Variants in SKAP1 observed in about 807,000 individuals in gnomAD.
SKAP1 encodes src kinase-associated phosphoprotein 1.
Under a neutral mutation model 58.5 loss-of-function variants are expected in SKAP1, and 44 were observed. That is an observed-to-expected ratio of 0.75 (90% confidence interval 0.59 to 0.97). The LOEUF is 0.97. Among genes scored for constraint, SKAP1 ranks in the 50% least tolerant of loss-of-function variants. The pLI, the probability that SKAP1 is intolerant of heterozygous loss-of-function variation, is 0.00. For missense variants in SKAP1, 390 were observed against 435.2 expected, an observed-to-expected ratio of 0.90 and a Z score of 0.92; for synonymous variants, 127 against 149.7, an observed-to-expected ratio of 0.85 and a Z score of 1.11.
At position 48,430,105 on chromosome 17, in the gene SKAP1, G is replaced by T; in HGVS notation, c.16C>A (p.Leu6Ile). ...AGGAGCCAACGGATCTCCTCAGGGA[G>T]GGCGGCGGCCTGCATTTGGCTGGGC... MQAAA[L>I]PEEIRWLLED... The change falls in exon 1 of 13, where the codon CTC becomes ATC. Residue 6 changes from leucine to isoleucine, a missense_variant. Coordinates refer to ENST00000336915, the MANE Select transcript of SKAP1 (RefSeq NM_003726.4). 7.9e-7 allele frequency: 1 copy of T among 1,263,494 alleles called. No individual in the cohort carries two copies. Among genetic ancestry groups the T allele is most frequent in the Middle Eastern group, 2.1e-4 (1 of 4,864 alleles). The allele number at this position is 1,263,494 out of a possible 1,614,324, so 78.3% of individuals were successfully genotyped here. A position where few individuals can be genotyped will look rare whatever the true frequency, so the allele number is the denominator to read the frequency against.
chr17:48,402,820 G>T (rs2067516898), intron 1 of SKAP1, among the ~76,000 whole-genome samples: 1 of 152,100 alleles, frequency 6.6e-6, no homozygotes. Context: ...CAGTCACAAA[G>T]GACCACATAT....
chr17:48,407,630 A>C (rs1380018358), intron 1 of SKAP1, among the ~76,000 whole-genome samples: 1 of 152,210 alleles, frequency 6.6e-6, no homozygotes, highest in Non-Finnish European at 1.5e-5. Context: ...AGGCCCAGGC[A>C]GGCAAACTGC....
intron 4 of SKAP1, among the ~76,000 whole-genome samples, chr17:48,322,268 C>T (rs1385047409): frequency 6.6e-6 from 1 of 152,208 alleles, no homozygotes; most frequent in African/African-American, 2.4e-5. Flanking sequence ...GATAGTCTTG[C>T]TCTCCTCTTT....
At chr17:48,179,180 G>A (rs2064334872) in intron 9 of SKAP1, among the ~76,000 whole-genome samples, 2 of 152,228 alleles carry the variant, frequency 1.3e-5, no homozygotes, top group African/African-American at 4.8e-5. Flanking sequence ...GATCTAAATT[G>A]TTATAAATTT....
intron 11 of SKAP1, among the ~76,000 whole-genome samples, chr17:48,161,784 T>C (rs886243401): frequency 2.6e-5 from 4 of 152,158 alleles, no homozygotes; most frequent in African/African-American, 9.7e-5. Flanking sequence ...TGTTTATCTA[T>C]AAATGAAATA....
At chr17:48,384,805 G>A (rs1026662545) in intron 2 of SKAP1, among the ~76,000 whole-genome samples, 13 of 152,182 alleles carry the variant, frequency 8.5e-5, no homozygotes, top group African/African-American at 3.1e-4. Context: ...GGAACACCCA[G>A]AAGGAGGTAT....
chr17:48,395,001 T>A (rs1598651326), intron 2 of SKAP1, among the ~76,000 whole-genome samples: 1 of 152,176 alleles, frequency 6.6e-6, no homozygotes, highest in South Asian at 2.1e-4. Context: ...AAAGCTCCCA[T>A]CAACAATGCA....
At chr17:48,198,529 C>T (rs1405602998) in intron 4 of SKAP1, among the ~76,000 whole-genome samples, 3 of 147,592 alleles carry the variant, frequency 2.0e-5, no homozygotes, top group Admixed American at 6.8e-5. Context: ...CATTCTGATA[C>T]GCTTTCTTAC....
At chr17:48,196,358 TTTAC>T (rs2064629468) in intron 4 of SKAP1, among the ~76,000 whole-genome samples, 1 of 152,242 alleles carries the variant, frequency 6.6e-6, no homozygotes, top group African/African-American at 2.4e-5. Context: ...ATATTTCTTA[TTTAC>T]TTTTTTATGA....
In SKAP1 at chr17:48,253,869, G is replaced by T. The variant is rs147334862; in HGVS notation, c.281-64369C>A. 8.0e-4 allele frequency among the ~76,000 whole-genome samples: 121 copies of T among 152,172 alleles called. No individual in the cohort carries two copies. The East Asian group carries it at 0.011, about 13-fold the overall frequency. ...GTCACACAGTAAAAAATAATAATAA[G>T]AAGAAAATATAACTGCTTTCTTATG... On this transcript the variant is annotated intron_variant, in intron 4 of 12. Transcript: ENST00000336915.
chr17:48,438,280 C>T, the SKAP1 span, among the ~76,000 whole-genome samples: 1 of 152,218 alleles, frequency 6.6e-6, no homozygotes, highest in South Asian at 2.1e-4. Flanking sequence ...GTAGTGCTTA[C>T]ACCTGCCTGC....
Position 48,345,959 on chromosome 17 carries a change from G to A in SKAP1, c.226C>T (p.Leu76Phe). The part of the protein sequence containing the change: ...DSSDDNHSGT[L>F]GLSLTSDAPF... ...GCATCGGATGTGAGGGACAGGCCAAGAGTCCCGCTGTGATTATCATCAGAG... is the reference window on the plus strand; with the variant it reads ...GCATCGGATGTGAGGGACAGGCCAAAAGTCCCGCTGTGATTATCATCAGAG... Residue 76 changes from leucine to phenylalanine, a missense_variant, in exon 4 of 13, where the codon CTT becomes TTT. Leu to Phe is a conservative substitution (Grantham distance 22, BLOSUM62 0). Coordinates refer to ENST00000336915, the MANE Select transcript of SKAP1 (RefSeq NM_003726.4). The A allele has an allele frequency of 6.2e-7, 1 of 1,613,720 alleles. No homozygotes were observed. Among genetic ancestry groups the A allele is most frequent in the Non-Finnish European group, 8.5e-7 (1 of 1,179,806 alleles).
At chr17:48,245,157 T>C (rs2143841213) in intron 4 of SKAP1, among the ~76,000 whole-genome samples, 1 of 152,312 alleles carries the variant, frequency 6.6e-6, no homozygotes, top group African/African-American at 2.4e-5. Flanking sequence ...TCTAAAATGG[T>C]AGGAACCTGG....
At chr17:48,246,672 A>C (rs1284929421) in intron 4 of SKAP1, among the ~76,000 whole-genome samples, 3 of 152,126 alleles carry the variant, frequency 2.0e-5, no homozygotes, top group African/African-American at 7.2e-5. Flanking sequence ...CTTGGACCAC[A>C]TTTCAGGTCT....
At chr17:48,190,574 T>A (rs982744762) in intron 4 of SKAP1, among the ~76,000 whole-genome samples, 5 of 152,156 alleles carry the variant, frequency 3.3e-5, no homozygotes, top group Non-Finnish European at 7.4e-5. Flanking sequence ...CACACTCAAT[T>A]TTTTTTCTCT....
At chr17:48,234,021 A>G (rs987904536) in intron 4 of SKAP1, among the ~76,000 whole-genome samples, 1 of 152,342 alleles carries the variant, frequency 6.6e-6, no homozygotes, top group Non-Finnish European at 1.5e-5. Context: ...CAATTTAATA[A>G]GTACATGACT....
At chr17:48,185,477 A>G (rs2064436977) in intron 6 of SKAP1, among the ~76,000 whole-genome samples, 1 of 152,206 alleles carries the variant, frequency 6.6e-6, no homozygotes, top group Non-Finnish European at 1.5e-5. Context: ...GAAAAGGACC[A>G]TAAGTGAAGA....
intron 4 of SKAP1, among the ~76,000 whole-genome samples, chr17:48,274,240 C>T (rs1293152281): frequency 1.3e-5 from 2 of 151,812 alleles, no homozygotes; most frequent in Non-Finnish European, 2.9e-5. Context: ...ATTAAAAATA[C>T]AAAAAATTAG....
chr17:48,339,561 A>G (rs2144304231), intron 4 of SKAP1, among the ~76,000 whole-genome samples: 1 of 151,360 alleles, frequency 6.6e-6, no homozygotes. Context: ...TATTGGTGCT[A>G]GAATACTATG....
Sources: gnomAD v4.1 joint callset for allele counts (sites outside exome capture counted in the v4.1 genomes callset) on GRCh38, gnomAD v4.1.1 for gene constraint, MANE v1.5 for transcripts, NCBI Gene and HGNC (gene_info 2026-07-23, HGNC 2026-07-21) for gene names.